RGS8: variants seen among roughly 807,000 people sequenced by gnomAD.
RGS8 encodes the protein regulator of G protein signaling 8.
A neutral mutation model predicts 21.7 loss-of-function variants in RGS8; 8 were observed. That is an observed-to-expected ratio of 0.37 (90% CI 0.22 to 0.66). The LOEUF (loss-of-function observed/expected upper bound fraction) is 0.66. RGS8 is among the 30% of genes least tolerant of loss of function. The pLI, the probability that RGS8 is intolerant of heterozygous loss-of-function variation, is 0.59. For missense variants in RGS8, 157 were observed against 217.9 expected (o/e 0.72, Z 1.76); for synonymous variants, 80 against 83.6 (o/e 0.96, Z 0.24).
intron 5 of RGS8, among the ~76,000 whole-genome samples, chr1:182,652,780 C>T (rs1044321425): frequency 1.3e-5 from 2 of 152,010 alleles, no homozygotes; most frequent in Non-Finnish European, 2.9e-5. Flanking sequence ...AGGAGGGGTG[C>T]CTTTGCCGGC....
the RGS8 span, among the ~76,000 whole-genome samples, chr1:182,730,925 A>G: frequency 2.6e-5 from 4 of 152,146 alleles, no homozygotes; most frequent in East Asian, 7.7e-4. Flanking sequence ...GATATAACCC[A>G]TCTCCTGGCC....
chr1:182,710,100 G>A, the RGS8 span, among the ~76,000 whole-genome samples: 1 of 152,166 alleles, frequency 6.6e-6, no homozygotes, highest in African/African-American at 2.4e-5. Context: ...AAGGATACAG[G>A]AATTTGACTC....
At chr1:182,730,771 G>A in the RGS8 span, among the ~76,000 whole-genome samples, 22 of 151,822 alleles carry the variant, frequency 1.4e-4, 2 homozygotes, top group African/African-American at 5.3e-4. Flanking sequence ...TGCAGAAAAA[G>A]TCCCTAGACC....
chr1:182,750,616 G>A, the RGS8 span, among the ~76,000 whole-genome samples: 1 of 152,088 alleles, frequency 6.6e-6, no homozygotes, highest in Non-Finnish European at 1.5e-5. Context: ...CAAACAGATA[G>A]CCACCAAAAT....
chr1:182,651,902 G>T (rs1373143727), intron 5 of RGS8, among the ~76,000 whole-genome samples: 2 of 152,334 alleles, frequency 1.3e-5, no homozygotes, highest in South Asian at 4.1e-4. Context: ...GTGAAGGGCT[G>T]GTTTAGCAAG....
the RGS8 span, among the ~76,000 whole-genome samples, chr1:182,713,910 A>G: frequency 1.3e-5 from 2 of 152,244 alleles, no homozygotes; most frequent in Non-Finnish European, 2.9e-5. Context: ...CATAAAACAG[A>G]AACAAGAAAA....
At chr1:182,711,904 A>G in the RGS8 span, among the ~76,000 whole-genome samples, 13 of 152,322 alleles carry the variant, frequency 8.5e-5, no homozygotes, top group South Asian at 2.7e-3. Flanking sequence ...TCTAATTTGC[A>G]GAATTTAGAA....
upstream of RGS8, among the ~76,000 whole-genome samples, chr1:182,686,549 G>A (rs1400648738): frequency 6.6e-6 from 1 of 152,240 alleles, no homozygotes; most frequent in South Asian, 2.1e-4. Context: ...GCTTGGGGAT[G>A]GGAAGGAGCT....
chr1:182,650,532 AT>A (rs2102409662), intron 5 of RGS8, among the ~76,000 whole-genome samples: 1 of 152,262 alleles, frequency 6.6e-6, no homozygotes, highest in East Asian at 1.9e-4. Flanking sequence ...TCACAAGGAG[AT>A]TTAAGTTTGG....
chr1:182,745,823 T>C, the RGS8 span, among the ~76,000 whole-genome samples: 1 of 152,206 alleles, frequency 6.6e-6, no homozygotes, highest in South Asian at 2.1e-4. Flanking sequence ...ATCCCAGTGA[T>C]TTTTCCCACA....
downstream of RGS8, chr1:182,642,532 C>G (rs1026842531): frequency 2.6e-5 from 4 of 152,356 alleles, no homozygotes; most frequent in African/African-American, 4.8e-5. Flanking sequence ...AGCGGCTGGT[C>G]TCTCCCACCT....
chr1:182,738,961 C>T, the RGS8 span, among the ~76,000 whole-genome samples: 1 of 152,190 alleles, frequency 6.6e-6, no homozygotes, highest in Non-Finnish European at 1.5e-5. Context: ...ACTAAAGAGA[C>T]AATCTCTCTT....
the RGS8 span, among the ~76,000 whole-genome samples, chr1:182,722,107 A>G: frequency 1.3e-5 from 2 of 152,168 alleles, no homozygotes; most frequent in Admixed American, 6.5e-5. Context: ...GACGTATTAT[A>G]TCTTAGCATA....
chr1:182,672,823 A>G, upstream of RGS8: 1 of 1,613,936 alleles, frequency 6.2e-7, no homozygotes. Context: ...CCTTACCCAC[A>G]TGGGTCTTCA....
At chr1:182,733,875 G>GTTATTTATTTAT in the RGS8 span, 6 of 149,530 alleles carry the variant, frequency 4.0e-5, no homozygotes, top group South Asian at 2.1e-4. Flanking sequence ...TAGATACCAA[G>GTTATTTATTTAT]TTATTTATTT....
chr1:182,712,780 G>A, the RGS8 span: 2 of 152,178 alleles, frequency 1.3e-5, no homozygotes, highest in African/African-American at 2.4e-5. Context: ...ATTTTTGTCT[G>A]AGGAAATCAA....
At chr1:182,710,260 C>T in the RGS8 span, among the ~76,000 whole-genome samples, 1 of 152,176 alleles carries the variant, frequency 6.6e-6, no homozygotes, top group Non-Finnish European at 1.5e-5. Context: ...GCAATTCCTG[C>T]TTATCCCTGA....
chr1:182,682,875 C>T (rs954889728), intron 1 of RGS8, among the ~76,000 whole-genome samples: 5 of 151,992 alleles, frequency 3.3e-5, no homozygotes, highest in African/African-American at 1.2e-4. Flanking sequence ...GAGCCCCTTG[C>T]TATAGTGGCA....
the RGS8 span, among the ~76,000 whole-genome samples, chr1:182,690,030 A>G: frequency 3.3e-5 from 5 of 152,162 alleles, no homozygotes; most frequent in Non-Finnish European, 7.4e-5. Flanking sequence ...CTAGGGTCAG[A>G]GAGGTACTCT....
Sources: gnomAD v4.1 joint callset for allele counts (sites outside exome capture counted in the v4.1 genomes callset) on GRCh38, gnomAD v4.1.1 for gene constraint, MANE v1.5 for transcripts, NCBI Gene and HGNC (gene_info 2026-07-23, HGNC 2026-07-21) for gene names.